The following MMS22L variants were observed in gnomAD, a reference collection of about 807,000 sequenced individuals.
MMS22L encodes the protein MMS22 like, DNA repair protein.
Under a neutral mutation model 159.1 loss-of-function variants are expected in MMS22L, and 74 were observed. The ratio of observed to expected loss-of-function variants is 0.47; its 90% CI spans 0.39 to 0.56. The LOEUF (loss-of-function observed/expected upper bound fraction) is 0.56, where lower values mean the gene tolerates loss of function less well. Ranked by LOEUF, MMS22L falls within the 20% of genes least tolerant of loss-of-function variation. The probability of loss-of-function intolerance (pLI) is 0.00; values close to 1 mark genes in which losing one functional copy is unlikely to be tolerated. For synonymous variants in MMS22L, 517 were observed against 506.9 expected, an observed-to-expected ratio of 1.02 and a Z score of -0.27; for missense variants, 1,351 against 1,422.1, an observed-to-expected ratio of 0.95 and a Z score of 0.80.
At chr6:97,199,456 C>T (rs1184889616) in intron 14 of MMS22L, among the ~76,000 whole-genome samples, 1 of 152,100 alleles carries the variant, frequency 6.6e-6, no homozygotes, top group African/African-American at 2.4e-5. Flanking sequence ...CCCCCCACCT[C>T]CATTTAAATC....
chr6:97,156,395 C>T (rs1240792555), intron 22 of MMS22L, among the ~76,000 whole-genome samples: 1 of 152,108 alleles, frequency 6.6e-6, no homozygotes, highest in Non-Finnish European at 1.5e-5. Context: ...CTTTGCCCAT[C>T]CCCATGTCCT....
At chr6:97,192,114 AGTACATCTGT>A (rs1310450296) in intron 14 of MMS22L, among the ~76,000 whole-genome samples, 1 of 152,114 alleles carries the variant, frequency 6.6e-6, no homozygotes, top group Non-Finnish European at 1.5e-5. Flanking sequence ...CAGACACCCC[AGTACATCTGT>A]GTGTCTGTGC....
intron 14 of MMS22L, among the ~76,000 whole-genome samples, chr6:97,223,225 T>C (rs1280873175): frequency 6.6e-6 from 1 of 152,034 alleles, no homozygotes; most frequent in Non-Finnish European, 1.5e-5. Context: ...TGTCATACAG[T>C]TGTAAAACTA....
At chr6:97,216,653 A>G (rs1019616430) in intron 14 of MMS22L, among the ~76,000 whole-genome samples, 1 of 152,218 alleles carries the variant, frequency 6.6e-6, no homozygotes, top group Admixed American at 6.5e-5. Context: ...GGTTTAAGAA[A>G]CAGCACCGTG....
rs541058516 is a variant in MMS22L, at chr6:97,260,766, C to T, written c.942+2569G>A. 3 of 152,268 alleles carry T rather than the reference C, an allele frequency of 2.0e-5. No individual in the cohort carries two copies. The South Asian group carries it at 6.2e-4, about 32-fold the overall frequency. The allele number at this position is 152,268 out of a possible 1,614,324, so 9.4% of individuals were successfully genotyped here. A position where few individuals can be genotyped will look rare whatever the true frequency, so the allele number is the denominator to read the frequency against. ...CATTCATTTTGTAGATTAGGATTAG[C>T]TTAAAAGATTCTTAATTCAGGGTTA... On this transcript the variant is annotated intron_variant, in intron 9 of 24. Transcript: ENST00000683635.
chr6:97,200,495 C>A (rs1216052327), intron 14 of MMS22L, among the ~76,000 whole-genome samples: 2 of 152,030 alleles, frequency 1.3e-5, no homozygotes, highest in Non-Finnish European at 2.9e-5. Context: ...AGCAAATGAA[C>A]CGATTTATCT....
At chr6:97,252,655 A>T (rs1813366769) in intron 10 of MMS22L, among the ~76,000 whole-genome samples, 1 of 152,032 alleles carries the variant, frequency 6.6e-6, no homozygotes, top group Admixed American at 6.6e-5. Context: ...AAAAAAAAAA[A>T]AAAAAAGTAG....
At position 97,179,719 on chromosome 6, in the gene MMS22L, A is replaced by G. The variant is rs1804510341; in HGVS notation, c.2385-160T>C. On this transcript the variant is annotated intron_variant, in intron 16 of 24. Transcript: ENST00000683635. Reference sequence around the variant, plus strand: ...TAGGCATGCATTGTTGAAAATGAATACTACAGATAAACCCAAAAAGATGTT... The same window carrying G: ...TAGGCATGCATTGTTGAAAATGAATGCTACAGATAAACCCAAAAAGATGTT... 3.3e-5 allele frequency among the ~76,000 whole-genome samples: 5 copies of G among 152,240 alleles called. No individual in the cohort carries two copies. In the South Asian group the frequency reaches 1.0e-3, roughly 31 times the overall value.
At chr6:97,153,899 TAAAC>T (rs895185836) in intron 22 of MMS22L, among the ~76,000 whole-genome samples, 95 of 152,196 alleles carry the variant, frequency 6.2e-4, no homozygotes, top group Non-Finnish European at 2.6e-4. Context: ...TTGGCTATAA[TAAAC>T]AATACTGCTA....
intron 18 of MMS22L, among the ~76,000 whole-genome samples, chr6:97,175,679 C>T (rs543087654): frequency 9.1e-4 from 138 of 152,170 alleles, no homozygotes; most frequent in Non-Finnish European, 1.5e-3. Context: ...AAAAAAAAAT[C>T]ACACCTGCTA....
intron 11 of MMS22L, among the ~76,000 whole-genome samples, chr6:97,244,247 G>A (rs1458789012): frequency 6.6e-6 from 1 of 152,178 alleles, no homozygotes; most frequent in Non-Finnish European, 1.5e-5. Context: ...TACTACAGGG[G>A]GGACATAAAC....
chr6:97,196,174 T>C (rs764645326), intron 14 of MMS22L, among the ~76,000 whole-genome samples: 1 of 152,208 alleles, frequency 6.6e-6, no homozygotes, highest in African/African-American at 2.4e-5. Context: ...TACTAGATGT[T>C]ATCAAATATA....
rs180765158 is a variant in MMS22L, at chr6:97,259,912, G to A, written c.942+3423C>T. On this transcript the variant is annotated intron_variant, in intron 9 of 24. Transcript: ENST00000683635. ...TAATTTTGGAGGGTACACATTTAGA[G>A]TAAATTCCTGGAAGTGGGATTGCTA... 162 of 152,254 alleles carry A rather than the reference G, an allele frequency of 1.1e-3. 2 individuals are homozygous for A. The highest frequency in any genetic ancestry group is 3.8e-3 in the African/African-American group (156 of 41,554). The allele number at this position is 152,254 out of a possible 1,614,324, so 9.4% of individuals were successfully genotyped here.
chr6:97,190,218 G>A (rs1330051038), intron 14 of MMS22L, among the ~76,000 whole-genome samples: 2 of 152,126 alleles, frequency 1.3e-5, no homozygotes, highest in African/African-American at 4.8e-5. Flanking sequence ...ATATTATAAA[G>A]AATGTAATAT....
At chr6:97,211,328 G>A (rs1808351454) in intron 14 of MMS22L, among the ~76,000 whole-genome samples, 1 of 151,966 alleles carries the variant, frequency 6.6e-6, no homozygotes. Context: ...GAAGATTGAT[G>A]TATTTAATAC....
rs1169406364 is a variant in MMS22L, at chr6:97,145,971, A to C, written c.*835T>G. 7 of 152,158 alleles carry C rather than the reference A, an allele frequency of 4.6e-5. No individual in the cohort carries two copies. Among genetic ancestry groups the C allele is most frequent in the African/African-American group, 7.2e-5 (3 of 41,446 alleles). 9.4% of individuals were successfully genotyped at this position (152,158 alleles called of 1,614,324 possible). A position where few individuals can be genotyped will look rare whatever the true frequency, so the allele number is the denominator to read the frequency against. ...CTTGGATAAAATGCTAAGTTATAAGAAGCTCTGGCTAAAGAGCAAGAAGAT... is the reference window on the plus strand; with the variant it reads ...CTTGGATAAAATGCTAAGTTATAAGCAGCTCTGGCTAAAGAGCAAGAAGAT... On this transcript the variant is annotated 3_prime_UTR_variant, in exon 25 of 25. Coordinates refer to ENST00000683635, the MANE Select transcript of MMS22L (RefSeq NM_001350599.2).
chr6:97,247,489 G>A (rs1420094796), intron 10 of MMS22L, among the ~76,000 whole-genome samples: 1 of 152,160 alleles, frequency 6.6e-6, no homozygotes. Context: ...AGCACTTTGG[G>A]AGGCCAAGGC....
chr6:97,225,768 T>G (rs988569924), intron 14 of MMS22L, among the ~76,000 whole-genome samples: 1 of 152,070 alleles, frequency 6.6e-6, no homozygotes, highest in Non-Finnish European at 1.5e-5. Flanking sequence ...GAGACGGGGT[T>G]TCACCCTGTT....
At chr6:97,244,134 T>C (rs1200665099) in intron 11 of MMS22L, among the ~76,000 whole-genome samples, 1 of 152,236 alleles carries the variant, frequency 6.6e-6, no homozygotes. Context: ...TGTTGTTTTC[T>C]CCTTCCTTGG....
Sources: gnomAD v4.1 joint callset for allele counts (sites outside exome capture counted in the v4.1 genomes callset) on GRCh38, gnomAD v4.1.1 for gene constraint, MANE v1.5 for transcripts, NCBI Gene and HGNC (gene_info 2026-07-23, HGNC 2026-07-21) for gene names.